Variants in PCOLCE2 observed in about 807,000 individuals in gnomAD.
PCOLCE2 encodes procollagen C-proteinase enhancer 2.
A neutral mutation model predicts 47.0 loss-of-function variants in PCOLCE2; 42 were observed. The observed-to-expected ratio is 0.89, with a 90% CI of 0.70 to 1.16. The LOEUF is 1.16. Among genes scored for constraint, PCOLCE2 ranks in the 50% most tolerant of loss-of-function variants. The pLI, the probability that PCOLCE2 is intolerant of heterozygous loss-of-function variation, is 0.00. For synonymous variants in PCOLCE2, 169 were observed against 191.7 expected, an observed-to-expected ratio of 0.88 and a Z score of 0.98; for missense variants, 500 against 526.1, an observed-to-expected ratio of 0.95 and a Z score of 0.49.
rs763370126 is a variant in PCOLCE2 at position 142,887,669 on chromosome 3, TG to T, written c.191del (p.Thr64LysfsTer7). On this transcript the variant is annotated frameshift_variant and splice_region_variant, in exon 2 of 9. Coordinates refer to ENST00000295992, the MANE Select transcript of PCOLCE2 (RefSeq NM_013363.4). LOFTEE classifies it high-confidence loss of function. ...PPNSKCTWKITVPEGKVVVLN... is the reference protein window; with the variant it reads ...PPNSKCTWKIXVPEGKVVVLN... ...GAATACCTTTTTAAAAAATGCTTAC[TG>T]TGATTTTCCAAGTACATTTGCTATT... The T allele has an allele frequency of 1.7e-5, 25 of 1,501,844 alleles. No homozygotes were observed. Among genetic ancestry groups the T allele is most frequent in the Non-Finnish European group, 1.1e-5 (12 of 1,077,958 alleles). 93.0% of individuals were successfully genotyped at this position (1,501,844 alleles called of 1,614,324 possible).
chr3:142,876,049 T>C (rs1370499719), intron 2 of PCOLCE2, among the ~76,000 whole-genome samples: 2 of 152,158 alleles, frequency 1.3e-5, no homozygotes, highest in Non-Finnish European at 2.9e-5. Context: ...TGACCTCAGT[T>C]TCTCCAAGAA....
At chr3:142,839,041 T>C in intron 4 of PCOLCE2, 135 bp from the exon 5 acceptor site, 1 of 597,160 alleles carries the variant, frequency 1.7e-6, no homozygotes, top group Non-Finnish European at 2.8e-6. Flanking sequence ...TAAGTGCTTT[T>C]TGTTGCATAT....
At chr3:142,825,288 TCTC>T (rs956491447) in intron 6 of PCOLCE2, among the ~76,000 whole-genome samples, 1 of 152,112 alleles carries the variant, frequency 6.6e-6, no homozygotes, top group African/African-American at 2.4e-5. Flanking sequence ...AACATGCCCT[TCTC>T]CTGCTTTGGT....
At chr3:142,849,249 T>G (rs1379327200) in intron 2 of PCOLCE2, among the ~76,000 whole-genome samples, 1 of 152,230 alleles carries the variant, frequency 6.6e-6, no homozygotes, top group African/African-American at 2.4e-5. Flanking sequence ...GAGGATTTAT[T>G]TGGCAATTGT....
chr3:142,864,897 A>G (rs1933251485), intron 2 of PCOLCE2, among the ~76,000 whole-genome samples: 1 of 152,092 alleles, frequency 6.6e-6, no homozygotes, highest in Non-Finnish European at 1.5e-5. Context: ...TTATCCATTT[A>G]CCCTGTTGAT....
chr3:142,840,044 T>C (rs953532428), intron 4 of PCOLCE2, among the ~76,000 whole-genome samples: 1 of 152,186 alleles, frequency 6.6e-6, no homozygotes, highest in African/African-American at 2.4e-5. Context: ...GGAAGGAGAC[T>C]GACATTTCTA....
intron 2 of PCOLCE2, among the ~76,000 whole-genome samples, chr3:142,872,232 G>A (rs745936530): frequency 2.6e-5 from 4 of 152,284 alleles, no homozygotes; most frequent in African/African-American, 4.8e-5. Flanking sequence ...CTTTCTCTGT[G>A]TTACTGTACT....
intron 3 of PCOLCE2, chr3:142,843,265 G>A (rs750294653): frequency 3.0e-5 from 19 of 627,042 alleles, no homozygotes; most frequent in South Asian, 2.6e-4. Context: ...ATAGCAACAC[G>A]AGAGAGGGGA....
intron 5 of PCOLCE2, among the ~76,000 whole-genome samples, chr3:142,833,288 A>G (rs1355551417): frequency 4.6e-5 from 7 of 152,188 alleles, no homozygotes; most frequent in Admixed American, 3.9e-4. Flanking sequence ...TTCTGGGTTC[A>G]AGGGAACCTC....
chr3:142,839,750 GATAA>G (rs1487758513), intron 4 of PCOLCE2, among the ~76,000 whole-genome samples: 13 of 152,114 alleles, frequency 8.5e-5, no homozygotes, highest in Non-Finnish European at 1.9e-4. Flanking sequence ...TGTTGCACAT[GATAA>G]ATATATATGT....
chr3:142,879,811 A>G (rs1933571135), intron 2 of PCOLCE2, among the ~76,000 whole-genome samples: 2 of 151,788 alleles, frequency 1.3e-5, no homozygotes, highest in South Asian at 4.2e-4. Flanking sequence ...CTACTAAAAA[A>G]TACAAAAAAT....
chr3:142,872,758 T>C (rs1040778842), intron 2 of PCOLCE2, among the ~76,000 whole-genome samples: 1 of 152,128 alleles, frequency 6.6e-6, no homozygotes, highest in Non-Finnish European at 1.5e-5. Context: ...TTCCCTCATA[T>C]TTACTCCAGG....
intron 6 of PCOLCE2, chr3:142,826,983 C>T (rs1937087060): frequency 6.8e-6 from 4 of 585,436 alleles, no homozygotes; most frequent in Non-Finnish European, 9.0e-6. Context: ...CCTCCTCCTG[C>T]CCTCAATCTC....
Position 142,827,538 on chromosome 3 carries a change from T to TAC in PCOLCE2, c.865+2152_865+2153dup, listed in dbSNP as rs148736255. The TAC allele has an allele frequency of 3.1e-3, 4,640 of 1,477,452 alleles. 138 individuals are homozygous for TAC. In the African/African-American group the frequency reaches 0.057, roughly 18 times the overall value. 91.5% of individuals were successfully genotyped at this position (1,477,452 alleles called of 1,614,324 possible). ...TTCTCCTCCAGGCAGCACACGATCA[T>TAC]ACCCTCAGGCATGGTGCCCACAGGG... On this transcript the variant is annotated intron_variant, in intron 6 of 8. Transcript: ENST00000295992.
In PCOLCE2 at chr3:142,818,425, C is replaced by A. The variant is rs763412812; in HGVS notation, c.1158G>T (p.Gly386=). 6.2e-7 allele frequency: 1 copy of A among 1,612,606 alleles called. No homozygotes were observed. Among genetic ancestry groups the A allele is most frequent in the South Asian group, 1.1e-5 (1 of 91,034 alleles). ...YIIMGQVGED[G]RGKIMPNSFI... ...AGCTGTTTGGCATGATTTTGCCTCG[C>A]CCATCTTCACCTACTTGGCCCATAA... The change falls in exon 9 of 9, where the codon GGG becomes GGT. Residue 386 remains glycine, a synonymous_variant. Transcript: ENST00000295992.
At chr3:142,888,120 A>G (rs1290164623) in intron 1 of PCOLCE2, among the ~76,000 whole-genome samples, 2 of 152,368 alleles carry the variant, frequency 1.3e-5, no homozygotes, top group African/African-American at 2.4e-5. Context: ...AGGCTGAATG[A>G]GAAGCATGGT....
intron 2 of PCOLCE2, among the ~76,000 whole-genome samples, chr3:142,859,784 C>T (rs1328868069): frequency 6.6e-6 from 1 of 152,150 alleles, no homozygotes; most frequent in Non-Finnish European, 1.5e-5. Flanking sequence ...CCAGGGTGCT[C>T]TGATCCACCT....
chr3:142,841,436 AGT>A (rs1937263274), intron 4 of PCOLCE2, among the ~76,000 whole-genome samples: 2 of 152,236 alleles, frequency 1.3e-5, no homozygotes, highest in Non-Finnish European at 2.9e-5. Flanking sequence ...GTAATCTGCA[AGT>A]ATAATTAAGT....
chr3:142,827,532 C>T (rs529546975), intron 6 of PCOLCE2: 54 of 1,479,628 alleles, frequency 3.6e-5, no homozygotes, highest in East Asian at 9.1e-5. Context: ...AGGCAGCACA[C>T]GATCATACCC....
Sources: gnomAD v4.1 joint callset for allele counts (sites outside exome capture counted in the v4.1 genomes callset) on GRCh38, gnomAD v4.1.1 for gene constraint, MANE v1.5 for transcripts, NCBI Gene and HGNC (gene_info 2026-07-23, HGNC 2026-07-21) for gene names.